HOXA3: variants seen among roughly 807,000 people sequenced by gnomAD.
The protein encoded by HOXA3 is homeobox protein Hox-A3.
Under a neutral mutation model 30.3 loss-of-function variants are expected in HOXA3, and 8 were observed. The observed-to-expected ratio is 0.26, with a 90% confidence interval of 0.15 to 0.48. The LOEUF is 0.48. Among genes scored for constraint, HOXA3 ranks in the 20% least tolerant of loss-of-function variants. HOXA3 has a pLI of 0.99. For missense variants in HOXA3, 653 were observed against 614.4 expected (o/e 1.06, Z -0.66); for synonymous variants, 323 against 273.1 (o/e 1.18, Z -1.80).
At chr7:27,131,376 G>A (rs1458044650) in intron 2 of HOXA3, among the ~76,000 whole-genome samples, 1 of 152,192 alleles carries the variant, frequency 6.6e-6, no homozygotes, top group Non-Finnish European at 1.5e-5. Flanking sequence ...TGCTCCTTGC[G>A]TGTCAGCCTG....
At chr7:27,130,080 C>A (rs1785457610) in intron 2 of HOXA3, 1 of 1,557,850 alleles carries the variant, frequency 6.4e-7, no homozygotes, top group Non-Finnish European at 8.7e-7. Flanking sequence ...GGCCCAGCCC[C>A]GGCCCACCTC....
At chr7:27,143,088 G>T (rs535686511) in intron 1 of HOXA3, 1 of 1,554,786 alleles carries the variant, frequency 6.4e-7, no homozygotes, top group South Asian at 1.2e-5. Flanking sequence ...TAGATCTGGG[G>T]TTGGGCGGGC....
intron 4 of HOXA3, among the ~76,000 whole-genome samples, chr7:27,119,302 C>T (rs1455324408): frequency 5.3e-5 from 8 of 152,088 alleles, no homozygotes; most frequent in African/African-American, 1.9e-4. Context: ...AATTCTCTCC[C>T]CACCCCCACA....
chr7:27,136,382 T>C (rs531642050), intron 2 of HOXA3, among the ~76,000 whole-genome samples: 6 of 152,370 alleles, frequency 3.9e-5, no homozygotes, highest in Admixed American at 3.9e-4. Flanking sequence ...CACTCGTGAT[T>C]CTATTTTACA....
chr7:27,107,932 T>C lies in HOXA3; in HGVS notation c.1315A>G (p.Lys439Glu), dbSNP rs775758892. 1.9e-6 allele frequency: 3 copies of C among 1,579,736 alleles called. No homozygotes were observed. Among genetic ancestry groups the C allele is most frequent in the Non-Finnish European group, 2.6e-6 (3 of 1,155,842 alleles). ...PSQGRIQEAP[K>E]LTHL Reference sequence around the variant, plus strand: ...GCCCACTATCACAGGTGGGTGAGCTTGGGTGCTTCCTGAATTCTTCCCTGA... The same window carrying C: ...GCCCACTATCACAGGTGGGTGAGCTCGGGTGCTTCCTGAATTCTTCCCTGA... Residue 439 changes from lysine to glutamate, a missense_variant, in exon 6 of 6, where the codon AAG becomes GAG. Coordinates refer to ENST00000612286, the MANE Select transcript of HOXA3 (RefSeq NM_153631.3).
chr7:27,121,336 G>T (rs533424921), intron 4 of HOXA3: 1 of 151,820 alleles, frequency 6.6e-6, no homozygotes, highest in Non-Finnish European at 1.5e-5. Context: ...CAAGTTCTCT[G>T]GACACGTGTG....
rs747750865 is a variant in HOXA3 at position 27,110,430 on chromosome 7, A to ACGC, written c.208_210dup (p.Ala70dup). ...GGTGGGGCGCTCAGGGTGCGCAGGC[A>ACGC]CGCCTCACTCAGTTCGTGTGCCTTG... On this transcript the variant is annotated inframe_insertion, in exon 5 of 6. Coordinates refer to ENST00000612286, the MANE Select transcript of HOXA3 (RefSeq NM_153631.3). 1 of 1,566,604 alleles carries ACGC rather than the reference A, an allele frequency of 6.4e-7. No individual in the cohort carries two copies.
chr7:27,142,520 G>C (rs1782606001), intron 1 of HOXA3, among the ~76,000 whole-genome samples: 1 of 152,094 alleles, frequency 6.6e-6, no homozygotes, highest in African/African-American at 2.4e-5. Flanking sequence ...CTGCAGGGTT[G>C]GGGAGCCTGT....
At chr7:27,143,126 C>G (rs774741194) in intron 1 of HOXA3, 9 of 1,604,914 alleles carry the variant, frequency 5.6e-6, no homozygotes. Context: ...GCTCTGCGCA[C>G]TCGCCTGCTC....
At chr7:27,125,288 A>T (rs987459365) in intron 3 of HOXA3, among the ~76,000 whole-genome samples, 2 of 152,206 alleles carry the variant, frequency 1.3e-5, no homozygotes, top group African/African-American at 4.8e-5. Flanking sequence ...AATTAAGAAG[A>T]TTGAACCAAA....
chr7:27,130,588 G>A lies in HOXA3; in HGVS notation c.-389-3518C>T, dbSNP rs772770961. Reference sequence around the variant, plus strand: ...CTGCTGCAGCGGCAGGTGCTGGGTCGGGGGCGCTGGGGGCTGCTGGTAGCC... The same window carrying A: ...CTGCTGCAGCGGCAGGTGCTGGGTCAGGGGCGCTGGGGGCTGCTGGTAGCC... On this transcript the variant is annotated intron_variant, in intron 2 of 5. Transcript: ENST00000612286. 2.6e-6 allele frequency: 4 copies of A among 1,515,706 alleles called. No homozygotes were observed. In the South Asian group the frequency reaches 4.9e-5, roughly 19 times the overall value. The allele number at this position is 1,515,706 out of a possible 1,614,324, so 93.9% of individuals were successfully genotyped here.
At chr7:27,136,099 T>C (rs986450891) in intron 2 of HOXA3, among the ~76,000 whole-genome samples, 2 of 152,240 alleles carry the variant, frequency 1.3e-5, no homozygotes, top group Non-Finnish European at 2.9e-5. Context: ...AAACTCTGTC[T>C]GGGCAGATGA....
At chr7:27,146,236 GGTGTGTGTGTGTGTTTGTGTGTGT>G (rs1259965513) in intron 1 of HOXA3, among the ~76,000 whole-genome samples, 1 of 113,644 alleles carries the variant, frequency 8.8e-6, no homozygotes, top group Non-Finnish European at 1.8e-5. Flanking sequence ...GGGGATGCAG[GGTGTGTGTGTGTGTTTGTGTGTGT>G]GTGTGTGTGT....
In HOXA3 at chr7:27,108,750, T is replaced by A; in HGVS notation, c.527-30A>T. On this transcript the variant is annotated intron_variant, in intron 5 of 5. Coordinates refer to ENST00000612286, the MANE Select transcript of HOXA3 (RefSeq NM_153631.3). The surrounding 1 kb of genome is among the most constrained non-coding windows in gnomAD (Gnocchi z 5.0). ...GAGGACAGAGAGAGGAAGAGCGGCG[T>A]CAGGGGCTGCCGCGGCCCCGCCCAG... 3.9e-6 allele frequency: 6 copies of A among 1,532,840 alleles called. No homozygotes were observed. The highest frequency in any genetic ancestry group is 5.3e-6 in the Non-Finnish European group (6 of 1,136,976). 95.0% of individuals were successfully genotyped at this position (1,532,840 alleles called of 1,614,324 possible).
intron 1 of HOXA3, chr7:27,141,113 C>CAAAAAAAA (rs147485948): frequency 4.3e-4 from 36 of 82,920 alleles, no homozygotes; most frequent in African/African-American, 7.8e-4. Context: ...AAAACAAATA[C>CAAAAAAAA]AAAAAAAAAA....
intron 1 of HOXA3, among the ~76,000 whole-genome samples, chr7:27,148,134 C>T (rs3823764): frequency 0.65 from 98,383 of 152,278 alleles, 37,931 homozygotes; most frequent in East Asian, 0.85. Flanking sequence ...CCCGCCAGGT[C>T]CCCTCCTTCC....
intron 5 of HOXA3, among the ~76,000 whole-genome samples, chr7:27,109,121 C>A (rs539088852): frequency 6.6e-6 from 1 of 152,336 alleles, no homozygotes; most frequent in South Asian, 2.1e-4. Context: ...AATGTACACA[C>A]TCATTTCCCT....
At chr7:27,141,812 C>G (rs754744687) in intron 1 of HOXA3, 3 of 1,611,952 alleles carry the variant, frequency 1.9e-6, no homozygotes, top group Non-Finnish European at 2.5e-6. Context: ...TAATACTGCT[C>G]AGTACTTTAA....
At chr7:27,148,698 T>TAG (rs1782872167) in intron 1 of HOXA3, among the ~76,000 whole-genome samples, 1 of 152,266 alleles carries the variant, frequency 6.6e-6, no homozygotes, top group South Asian at 2.1e-4. Flanking sequence ...GCAGTGGCCG[T>TAG]GAGACTGGGC....
Sources: gnomAD v4.1 joint callset for allele counts (sites outside exome capture counted in the v4.1 genomes callset) on GRCh38, gnomAD v4.1.1 for gene constraint, Gnocchi (gnomAD v3.1) non-coding constraint, MANE v1.5 for transcripts, NCBI Gene and HGNC (gene_info 2026-07-23, HGNC 2026-07-21) for gene names.